Variants in ADARB1 observed in about 807,000 individuals in gnomAD.
ADARB1 encodes adenosine deaminase RNA specific B1.
In ADARB1, 10 loss-of-function variants were observed where a neutral mutation model predicts 52.4. That is an observed-to-expected ratio of 0.19 (90% CI 0.12 to 0.32). The LOEUF (loss-of-function observed/expected upper bound fraction) is 0.32, where lower values mean the gene tolerates loss of function less well. Among genes scored for constraint, ADARB1 ranks in the 10% least tolerant of loss-of-function variants. The probability of loss-of-function intolerance (pLI) is 1.00; values close to 1 mark genes in which losing one functional copy is unlikely to be tolerated. For missense variants in ADARB1, 643 were observed against 922.3 expected, an observed-to-expected ratio of 0.70 and a Z score of 3.92; for synonymous variants, 349 against 371.1, an observed-to-expected ratio of 0.94 and a Z score of 0.68.
chr21:45,127,219 C>T (rs1206719445), intron 1 of ADARB1, among the ~76,000 whole-genome samples: 1 of 152,144 alleles, frequency 6.6e-6, no homozygotes, highest in Non-Finnish European at 1.5e-5. Flanking sequence ...CGTCCTTGCA[C>T]TTCTTGACAC....
At position 45,223,821 on chromosome 21, in the gene ADARB1, C is replaced by T. The variant is rs1045142554; in HGVS notation, c.*1624C>T. 5.1e-6 allele frequency: 5 copies of T among 985,310 alleles called. No homozygotes were observed. The highest frequency in any genetic ancestry group is 3.5e-5 in the African/African-American group (2 of 57,228). 61.0% of individuals were successfully genotyped at this position (985,310 alleles called of 1,614,324 possible). A position where few individuals can be genotyped will look rare whatever the true frequency, so the allele number is the denominator to read the frequency against. On this transcript the variant is annotated 3_prime_UTR_variant, in exon 11 of 11. Coordinates refer to ENST00000348831, the MANE Select transcript of ADARB1 (RefSeq NM_001112.4). ...CAGGAGCCCCATCCACGTGTGTCCA[C>T]ACAGATCTCGTCGCAGCACGGCAGG...
intron 1 of ADARB1, among the ~76,000 whole-genome samples, chr21:45,076,031 G>A (rs988098501): frequency 1.3e-5 from 2 of 152,056 alleles, no homozygotes; most frequent in African/African-American, 2.4e-5. Flanking sequence ...GCTTCGAAAG[G>A]TGCCACCCAG....
At chr21:45,213,619 C>G (rs2092810310) in intron 9 of ADARB1, among the ~76,000 whole-genome samples, 1 of 152,178 alleles carries the variant, frequency 6.6e-6, no homozygotes, top group South Asian at 2.1e-4. Flanking sequence ...TTTGCATTTT[C>G]TGGGATTTTA....
chr21:45,152,679 G>T, intron 2 of ADARB1: 1 of 449,576 alleles, frequency 2.2e-6, no homozygotes, highest in Non-Finnish European at 4.5e-6. Flanking sequence ...CGGTATAAAA[G>T]GAGGCGCAAG....
chr21:45,221,636 G>A lies in ADARB1; in HGVS notation c.1927-382G>A, dbSNP rs2092965740. Among the ~76,000 whole-genome samples the A allele has an allele frequency of 6.6e-6, 1 of 152,218 alleles. No homozygotes were observed. Among genetic ancestry groups the A allele is most frequent in the Non-Finnish European group, 1.5e-5 (1 of 68,034 alleles). On this transcript the variant is annotated intron_variant, in intron 10 of 10. Transcript: ENST00000348831. The surrounding 1 kb of genome is among the most constrained non-coding windows in gnomAD (Gnocchi z 4.9). Reference sequence around the variant, plus strand: ...CTGCCACAAGTCCAAGGTCCACACAGAAGGAGTTACTGGCCGCATGAGGGA... The same window carrying A: ...CTGCCACAAGTCCAAGGTCCACACAAAAGGAGTTACTGGCCGCATGAGGGA...
chr21:45,159,075 C>T (rs1300441588), intron 2 of ADARB1, among the ~76,000 whole-genome samples: 1 of 152,052 alleles, frequency 6.6e-6, no homozygotes, highest in Non-Finnish European at 1.5e-5. Flanking sequence ...TATGAAAAAG[C>T]AAAGGTGATC....
chr21:45,095,866 A>C (rs1408198489), intron 1 of ADARB1, among the ~76,000 whole-genome samples: 2 of 152,208 alleles, frequency 1.3e-5, no homozygotes, highest in Non-Finnish European at 2.9e-5. Flanking sequence ...CAGATCAACA[A>C]GGAGCTGTAG....
intron 2 of ADARB1, chr21:45,146,067 CGGG>C (rs1381727248): frequency 8.3e-5 from 12 of 145,278 alleles, no homozygotes; most frequent in African/African-American, 1.3e-4. Flanking sequence ...TCCGTTCTGC[CGGG>C]ATTACCTACG....
rs537638452 is a variant in ADARB1, at chr21:45,147,704, G to A, written c.-48+19131G>A. The stretch of plus-strand genomic sequence containing the variant: ...CGGGCTGGCCCCAGAGCTGTGGGTC[G>A]TGCCCCGCGTGTTGCTCAGCGCGTT... On this transcript the variant is annotated intron_variant, in intron 2 of 10. Transcript: ENST00000348831. Among the ~76,000 whole-genome samples the A allele has an allele frequency of 4.6e-5, 7 of 152,284 alleles. No individual in the cohort carries two copies. In the East Asian group the frequency reaches 1.2e-3, roughly 25 times the overall value.
intron 8 of ADARB1, among the ~76,000 whole-genome samples, 168 bp downstream of exon 8, chr21:45,185,259 C>A (rs1383243278): frequency 6.6e-6 from 1 of 152,196 alleles, no homozygotes; most frequent in Non-Finnish European, 1.5e-5. Flanking sequence ...CTGCTGGGAC[C>A]CCCGTGAGGG....
chr21:45,168,716 G>C (rs1383410502), intron 2 of ADARB1, among the ~76,000 whole-genome samples: 2 of 152,164 alleles, frequency 1.3e-5, no homozygotes, highest in South Asian at 2.1e-4. Flanking sequence ...TAAATGCTGA[G>C]ATCAGCTAGA....
chr21:45,183,933 AT>A (rs1020496567), intron 7 of ADARB1, among the ~76,000 whole-genome samples: 1 of 152,084 alleles, frequency 6.6e-6, no homozygotes, highest in Non-Finnish European at 1.5e-5. Flanking sequence ...TTGTGATCAT[AT>A]TTTTTTCCAT....
At chr21:45,214,647 A>C (rs2092828848) in intron 9 of ADARB1, among the ~76,000 whole-genome samples, 2 of 152,212 alleles carry the variant, frequency 1.3e-5, no homozygotes, top group Admixed American at 1.3e-4. Context: ...TCATTTCTTC[A>C]TGGAATTGCC....
At chr21:45,174,435 G>T (rs1042047397) in intron 3 of ADARB1, among the ~76,000 whole-genome samples, 2 of 152,126 alleles carry the variant, frequency 1.3e-5, no homozygotes, top group African/African-American at 4.8e-5. Context: ...GGGCACGGTG[G>T]CTCACACCTG....
chr21:45,176,111 AG>A lies in ADARB1; in HGVS notation c.412del (p.Ala138ProfsTer2), dbSNP rs1333847187. ...AAGGCAAAACTCCATGCTGCTGAGAAGGCCTTGAGGTCTTTCGTTCAGTTTC... is the reference window on the plus strand; with the variant it reads ...AAGGCAAAACTCCATGCTGCTGAGAAGCCTTGAGGTCTTTCGTTCAGTTTC... ...KKKAKLHAAEKALRSFVQFPN... is the reference protein window; with the variant it reads ...KKKAKLHAAEXALRSFVQFPN... On this transcript the variant is annotated frameshift_variant, in exon 4 of 11. Coordinates refer to ENST00000348831, the MANE Select transcript of ADARB1 (RefSeq NM_001112.4). LOFTEE classifies it high-confidence loss of function. This position sits in a 1 kb window ranked among gnomAD's most constrained non-coding sequence, Gnocchi z 5.8. The A allele has an allele frequency of 6.2e-7, 1 of 1,613,796 alleles. No homozygotes were observed.
At chr21:45,163,626 T>C (rs1282357596) in intron 2 of ADARB1, among the ~76,000 whole-genome samples, 1 of 152,200 alleles carries the variant, frequency 6.6e-6, no homozygotes, top group Non-Finnish European at 1.5e-5. Flanking sequence ...GCCAGTGGAA[T>C]CCACAGCTCC....
rs576523530 is a variant in ADARB1, at chr21:45,223,408, C to T, written c.*1211C>T. 124 of 985,770 alleles carry T rather than the reference C, an allele frequency of 1.3e-4. No homozygotes were observed. The African/African-American group carries it at 2.1e-3, about 16-fold the overall frequency. 61.1% of individuals were successfully genotyped at this position (985,770 alleles called of 1,614,324 possible). On this transcript the variant is annotated 3_prime_UTR_variant, in exon 11 of 11. Coordinates refer to ENST00000348831, the MANE Select transcript of ADARB1 (RefSeq NM_001112.4). Reference sequence around the variant, plus strand: ...CGGCCCCACGACAGAGGGAGTCAGCCCGGGAGGTCAGGAGCGCGGCGGGCG... The same window carrying T: ...CGGCCCCACGACAGAGGGAGTCAGCTCGGGAGGTCAGGAGCGCGGCGGGCG...
At position 45,089,148 on chromosome 21, in the gene ADARB1, T is replaced by C. The variant is rs1256063082; in HGVS notation, c.-220+14355T>C. ...TTGTATTGTGCCAGTGTTTATTTTC[T>C]GATTTCGATATATCCTTCTCCCAGC... On this transcript the variant is annotated intron_variant, in intron 1 of 10. Transcript: ENST00000348831. 2.6e-5 allele frequency among the ~76,000 whole-genome samples: 4 copies of C among 152,356 alleles called. 1 individual carries two copies. The East Asian group carries it at 7.7e-4, about 29-fold the overall frequency.
intron 8 of ADARB1, 100 bp downstream of exon 8, chr21:45,185,191 C>T (rs1241533738): frequency 7.0e-7 from 1 of 1,435,978 alleles, no homozygotes; most frequent in East Asian, 2.3e-5. Flanking sequence ...ATTTTGGCCC[C>T]ATTTCCCACT....
Sources: gnomAD v4.1 joint callset for allele counts (sites outside exome capture counted in the v4.1 genomes callset) on GRCh38, gnomAD v4.1.1 for gene constraint, Gnocchi (gnomAD v3.1) non-coding constraint, MANE v1.5 for transcripts, NCBI Gene and HGNC (gene_info 2026-07-23, HGNC 2026-07-21) for gene names.